The following ZNF827 variants were observed in gnomAD, a reference collection of about 807,000 sequenced individuals.
ZNF827 encodes zinc finger protein 827.
In ZNF827, 13 loss-of-function variants were observed where a neutral mutation model predicts 102.4. The observed-to-expected ratio is 0.13, with a 90% CI of 0.08 to 0.20. ZNF827 has a LOEUF of 0.20. Among genes scored for constraint, ZNF827 ranks in the 10% least tolerant of loss-of-function variants. The probability of loss-of-function intolerance (pLI) is 1.00; values close to 1 mark genes in which losing one functional copy is unlikely to be tolerated. For missense variants in ZNF827, 1,103 were observed against 1,344.4 expected, an observed-to-expected ratio of 0.82 and a Z score of 2.81; for synonymous variants, 523 against 536.2, an observed-to-expected ratio of 0.98 and a Z score of 0.34.
At chr4:145,871,448 C>T (rs1329691337) in intron 4 of ZNF827, among the ~76,000 whole-genome samples, 1 of 152,156 alleles carries the variant, frequency 6.6e-6, no homozygotes, top group Non-Finnish European at 1.5e-5. Flanking sequence ...CACTGGGCTA[C>T]ATACTACCCA....
chr4:145,785,969 T>C (rs957214536), intron 8 of ZNF827, among the ~76,000 whole-genome samples: 1 of 152,192 alleles, frequency 6.6e-6, no homozygotes, highest in Non-Finnish European at 1.5e-5. Flanking sequence ...TTAGAAAGTG[T>C]AATATGTCAA....
chr4:145,790,693 C>T (rs948710893), intron 8 of ZNF827, among the ~76,000 whole-genome samples: 1 of 152,160 alleles, frequency 6.6e-6, no homozygotes, highest in African/African-American at 2.4e-5. Context: ...TCAATCATTC[C>T]TTTAAAGATT....
intron 6 of ZNF827, among the ~76,000 whole-genome samples, chr4:145,847,481 C>T (rs1364717857): frequency 6.6e-6 from 1 of 152,150 alleles, no homozygotes; most frequent in Admixed American, 6.6e-5. Flanking sequence ...AAGACCTCTT[C>T]GTGCTGCAGT....
intron 11 of ZNF827, among the ~76,000 whole-genome samples, chr4:145,771,549 G>A (rs752016341): frequency 5.3e-5 from 8 of 152,202 alleles, no homozygotes; most frequent in Non-Finnish European, 1.2e-4. Flanking sequence ...AAGCACCAAA[G>A]GGGATATTTT....
chr4:145,933,254 T>C (rs942601550), intron 1 of ZNF827, among the ~76,000 whole-genome samples: 1 of 152,210 alleles, frequency 6.6e-6, no homozygotes, highest in Non-Finnish European at 1.5e-5. Flanking sequence ...GGCATTATTA[T>C]CCAGCATCAA....
intron 1 of ZNF827, among the ~76,000 whole-genome samples, chr4:145,936,221 A>T (rs1579611493): frequency 6.8e-6 from 1 of 147,094 alleles, no homozygotes; most frequent in Non-Finnish European, 1.5e-5. Context: ...CAGTCCGGCC[A>T]TGTGCACGCA....
In ZNF827 at chr4:145,782,291, C is replaced by T. The variant is rs113769783; in HGVS notation, c.2384-2780G>A. Among the ~76,000 whole-genome samples, 179 of 152,268 alleles carry T rather than the reference C, an allele frequency of 1.2e-3. 1 individual carries two copies. The highest frequency in any genetic ancestry group is 4.0e-3 in the African/African-American group (168 of 41,560). ...GGTGGGGCCTGGCGGAAGAGGCAGT[C>T]GGGGGAGGAGTATTACTGTGGCAAC... On this transcript the variant is annotated intron_variant, in intron 8 of 14. Coordinates refer to ENST00000508784, the MANE Select transcript of ZNF827 (RefSeq NM_001306215.2).
At chr4:145,807,780 AAAAAAAC>A (rs1741610936) in intron 8 of ZNF827, among the ~76,000 whole-genome samples, 3 of 150,754 alleles carry the variant, frequency 2.0e-5, no homozygotes, top group Admixed American at 2.0e-4. Context: ...GCTTTAAAAA[AAAAAAAC>A]AAAAAACAAA....
At chr4:145,851,046 A>G (rs1746476109) in intron 5 of ZNF827, among the ~76,000 whole-genome samples, 1 of 152,176 alleles carries the variant, frequency 6.6e-6, no homozygotes, top group African/African-American at 2.4e-5. Flanking sequence ...CCATGTGAAA[A>G]CAGACAGAGA....
rs746389641 is a variant in ZNF827 at position 145,902,907 on chromosome 4, G to A, written c.352C>T (p.Pro118Ser). 4 of 1,614,170 alleles carry A rather than the reference G, an allele frequency of 2.5e-6. No individual in the cohort carries two copies. The highest frequency in any genetic ancestry group is 4.5e-5 in the East Asian group (2 of 44,876). ...AGCCGCCTCAAATTGCTGCTCAGGG[G>A]CTTGTTGGAGCCTGGGTCATCGTCA... ...LCDDDPGSNKPLSSNLRRLLE... is the reference protein window; with the variant it reads ...LCDDDPGSNKSLSSNLRRLLE... The change falls in exon 2 of 15, where the codon CCC (proline) becomes TCC (serine). Residue 118 changes from proline to serine, a missense_variant. Pro to Ser is a moderately conservative substitution (Grantham distance 74, BLOSUM62 -1). Transcript: ENST00000508784. The surrounding 1 kb of genome is among the most constrained non-coding windows in gnomAD (Gnocchi z 4.3).
intron 5 of ZNF827, among the ~76,000 whole-genome samples, chr4:145,853,321 C>T (rs574413773): frequency 4.6e-5 from 7 of 152,318 alleles, no homozygotes; most frequent in Non-Finnish European, 1.0e-4. Context: ...GACATGTCTA[C>T]ACACACAGGA....
intron 7 of ZNF827, among the ~76,000 whole-genome samples, chr4:145,826,362 A>T (rs1396964238): frequency 6.6e-6 from 1 of 152,228 alleles, no homozygotes; most frequent in Non-Finnish European, 1.5e-5. Context: ...AAAAACAGCA[A>T]CAAACGCTAA....
At chr4:145,834,408 T>C (rs900419867) in intron 7 of ZNF827, among the ~76,000 whole-genome samples, 1 of 152,030 alleles carries the variant, frequency 6.6e-6, no homozygotes, top group Non-Finnish European at 1.5e-5. Flanking sequence ...ACCTCTCCCT[T>C]CCTCCCCAGG....
intron 8 of ZNF827, among the ~76,000 whole-genome samples, chr4:145,801,172 C>T (rs9998097): frequency 0.33 from 50,094 of 151,926 alleles, 8,715 homozygotes; most frequent in African/African-American, 0.39. Context: ...AAAAAAAATC[C>T]TCTATGTATG....
chr4:145,869,254 TAAG>T (rs1338840975), intron 5 of ZNF827, among the ~76,000 whole-genome samples: 3 of 152,234 alleles, frequency 2.0e-5, no homozygotes, highest in African/African-American at 7.2e-5. Context: ...ATATAACGAC[TAAG>T]TAAATCACTG....
In ZNF827 at chr4:145,923,224, A is replaced by G. The variant is rs572809020; in HGVS notation, c.43+15141T>C. ...TCTTTTTGAGTCTTGGTGTAATATC[A>G]ATGAATATTCACAATTATCTGAAAA... On this transcript the variant is annotated intron_variant, in intron 1 of 14. Transcript: ENST00000508784. 7.2e-5 allele frequency among the ~76,000 whole-genome samples: 11 copies of G among 152,310 alleles called. No homozygotes were observed. In the South Asian group the frequency reaches 2.3e-3, roughly 32 times the overall value.
In ZNF827 at chr4:145,779,424, T is replaced by C. The variant is rs1343506295; in HGVS notation, c.2471A>G (p.Lys824Arg). 6.2e-7 allele frequency: 1 copy of C among 1,614,118 alleles called. No individual in the cohort carries two copies. The highest frequency in any genetic ancestry group is 8.5e-7 in the Non-Finnish European group (1 of 1,179,956). Residue 824 changes from lysine to arginine, a missense_variant, in exon 9 of 15, where the codon AAA becomes AGA. Lys to Arg is a conservative substitution (Grantham distance 26). This residue lies in a region of ZNF827 where 242 missense variants were observed against 361.9 expected (regional missense o/e 0.67). Coordinates refer to ENST00000508784, the MANE Select transcript of ZNF827 (RefSeq NM_001306215.2). ...CAATGTCTGCTGTCGGCCAAACACT[T>C]TCCCACACACGTCACAGGGAAAAAG... Reference protein sequence around the residue: ...DQLFPCDVCGKVFGRQQTLSR... With the variant: ...DQLFPCDVCGRVFGRQQTLSR...
intron 2 of ZNF827, among the ~76,000 whole-genome samples, chr4:145,897,961 C>CTT (rs1387192164): frequency 6.6e-6 from 1 of 152,128 alleles, no homozygotes; most frequent in African/African-American, 2.4e-5. Context: ...TCGAGACCAG[C>CTT]CTTACTAACA....
chr4:145,879,637 A>G (rs1030121369), intron 4 of ZNF827, among the ~76,000 whole-genome samples: 1 of 152,210 alleles, frequency 6.6e-6, no homozygotes, highest in African/African-American at 2.4e-5. Context: ...CATGCTTGTT[A>G]TGAAATGATG....
Sources: allele counts gnomAD v4.1 joint callset (sites outside exome capture counted in the v4.1 genomes callset), GRCh38; gene constraint gnomAD v4.1.1; regional missense constraint gnomAD v4.1.1; non-coding constraint Gnocchi (gnomAD v3.1); transcripts MANE v1.5; gene names NCBI Gene and HGNC (gene_info 2026-07-23, HGNC 2026-07-21).